COL8A2: variants seen among roughly 807,000 people sequenced by gnomAD.
COL8A2 encodes collagen alpha-2(VIII) chain.
A neutral mutation model predicts 24.0 loss-of-function variants in COL8A2; 16 were observed. The ratio of observed to expected loss-of-function variants is 0.67; its 90% CI spans 0.45 to 1.01. COL8A2 has a LOEUF of 1.01. COL8A2 is among the 50% of genes least tolerant of loss of function. COL8A2 has a pLI of 0.00. For synonymous variants in COL8A2, 466 were observed against 424.5 expected (o/e 1.10, Z -1.20); for missense variants, 818 against 942.4 (o/e 0.87, Z 1.73).
chr1:36,098,192 C>T lies in COL8A2; in HGVS notation c.1489G>A (p.Ala497Thr). The change falls in exon 4 of 4, where the codon GCA becomes ACA. Residue 497 changes from alanine to threonine, a missense_variant. This residue lies in a region of COL8A2 where 235 missense variants were observed against 297.3 expected (regional missense o/e 0.79). Transcript: ENST00000397799. Reference sequence around the variant, plus strand: ...GGCCCAGCCGTGCCAGGTTCCCCTGCTCTCCCCTCTCCAGGGGGCCCTGGC... The same window carrying T: ...GGCCCAGCCGTGCCAGGTTCCCCTGTTCTCCCCTCTCCAGGGGGCCCTGGC... Reference protein sequence around the residue: ...GLPGPPGEGRAGEPGTAGPTG... With the variant: ...GLPGPPGEGRTGEPGTAGPTG... 6.5e-7 allele frequency: 1 copy of T among 1,534,958 alleles called. No individual in the cohort carries two copies. Among genetic ancestry groups the T allele is most frequent in the Non-Finnish European group, 8.8e-7 (1 of 1,142,028 alleles).
rs746179003 is a variant in COL8A2 at position 36,097,707 on chromosome 1, C to G, written c.1974G>C (p.Gln658His). ...YDEYKKGYLD[Q>H]ASGGAVLQLR... ...GCTGGAGCACGGCCCCACCAGATGCCTGGTCCAGGTAGCCCTTCTTGTACT... is the reference window on the plus strand; with the variant it reads ...GCTGGAGCACGGCCCCACCAGATGCGTGGTCCAGGTAGCCCTTCTTGTACT... The change falls in exon 4 of 4, where the codon CAG (glutamine) becomes CAC (histidine). Residue 658 changes from glutamine to histidine, a missense_variant. Physicochemically the swap from Gln to His is conservative, Grantham distance 24. Transcript: ENST00000397799. 3.7e-6 allele frequency: 6 copies of G among 1,613,702 alleles called. No homozygotes were observed. The East Asian group carries it at 1.3e-4, about 36-fold the overall frequency.
In COL8A2 at chr1:36,097,423, G is replaced by C. The variant is rs192037358; in HGVS notation, c.*146C>G. 37 of 694,596 alleles carry C rather than the reference G, an allele frequency of 5.3e-5. No individual in the cohort carries two copies. In the African/African-American group the frequency reaches 6.6e-4, roughly 12 times the overall value. 43.0% of individuals were successfully genotyped at this position (694,596 alleles called of 1,614,324 possible). ...GAAACAATCTCAGCCTGCATGCAGG[G>C]AGAAAGCAAGTTAGTCTCCTCGGGC... On this transcript the variant is annotated 3_prime_UTR_variant, in exon 4 of 4. Coordinates refer to ENST00000397799, the MANE Select transcript of COL8A2 (RefSeq NM_005202.4).
chr1:36,113,041 T>G (rs1190409221), intron 2 of COL8A2, among the ~76,000 whole-genome samples: 1 of 152,100 alleles, frequency 6.6e-6, no homozygotes, highest in African/African-American at 2.4e-5. Flanking sequence ...TGTGGACCAG[T>G]TAGGAAGGAG....
Position 36,115,852 on chromosome 1 carries a change from A to G in COL8A2, c.-61-100T>C. ...TAAGGTGGGAAGACTGCTTGAGCCC[A>G]GGAGTTTGAGACCAGCCTGGGCAAC... On this transcript the variant is annotated intron_variant, in intron 1 of 3. Transcript: ENST00000397799. This position sits in a 1 kb window ranked among gnomAD's most constrained non-coding sequence, Gnocchi z 5.7. The G allele has an allele frequency of 1.6e-6, 1 of 619,936 alleles. No individual in the cohort carries two copies. The highest frequency in any genetic ancestry group is 1.4e-4 in the East Asian group (1 of 7,106). 38.4% of individuals were successfully genotyped at this position (619,936 alleles called of 1,614,324 possible).
rs886276924 is a variant in COL8A2 at position 36,125,137 on chromosome 1, G to A, written c.-142C>T. ...GAGGGCTCCGGGCAGGGGCGTCCGC[G>A]GCTGGGCGGGCGGCGTTGGGGTCCG... On this transcript the variant is annotated 5_prime_UTR_variant, in exon 1 of 4. Transcript: ENST00000397799. The surrounding 1 kb of genome is among the most constrained non-coding windows in gnomAD (Gnocchi z 4.5). 2 of 790,674 alleles carry A rather than the reference G, an allele frequency of 2.5e-6. No individual in the cohort carries two copies. Among genetic ancestry groups the A allele is most frequent in the South Asian group, 5.7e-5 (1 of 17,632 alleles). The allele number at this position is 790,674 out of a possible 1,614,324, so 49.0% of individuals were successfully genotyped here. A position where few individuals can be genotyped will look rare whatever the true frequency, so the allele number is the denominator to read the frequency against.
chr1:36,097,475 TTTTG>T lies in COL8A2; in HGVS notation c.*90_*93del, dbSNP rs1239785632. On this transcript the variant is annotated 3_prime_UTR_variant, in exon 4 of 4. Coordinates refer to ENST00000397799, the MANE Select transcript of COL8A2 (RefSeq NM_005202.4). ...AAGGCCACGGCCGCCTCTGTTCAGC[TTTTG>T]TTTTTTTTTCCAGGAGGTTCTTTGT... 6.5e-6 allele frequency: 7 copies of T among 1,082,318 alleles called. No homozygotes were observed. Among genetic ancestry groups the T allele is most frequent in the East Asian group, 2.4e-5 (1 of 42,202 alleles). 67.0% of individuals were successfully genotyped at this position (1,082,318 alleles called of 1,614,324 possible). A position where few individuals can be genotyped will look rare whatever the true frequency, so the allele number is the denominator to read the frequency against.
In COL8A2 at chr1:36,123,520, G is replaced by C. The variant is rs1237112463; in HGVS notation, c.-62+1537C>G. ...GGTAGACGAAGTGAAACCAGAGAAAGAGACCCTGGTGAGTGTGTCTGGGTG... is the reference window on the plus strand; with the variant it reads ...GGTAGACGAAGTGAAACCAGAGAAACAGACCCTGGTGAGTGTGTCTGGGTG... On this transcript the variant is annotated intron_variant, in intron 1 of 3. Coordinates refer to ENST00000397799, the MANE Select transcript of COL8A2 (RefSeq NM_005202.4). The surrounding 1 kb of genome is among the most constrained non-coding windows in gnomAD (Gnocchi z 4.1). 6.6e-6 allele frequency among the ~76,000 whole-genome samples: 1 copy of C among 152,176 alleles called. No individual in the cohort carries two copies. Among genetic ancestry groups the C allele is most frequent in the African/African-American group, 2.4e-5 (1 of 41,448 alleles).
intron 2 of COL8A2, among the ~76,000 whole-genome samples, chr1:36,108,928 C>A (rs968204952): frequency 3.3e-5 from 5 of 152,172 alleles, no homozygotes; most frequent in African/African-American, 1.2e-4. Flanking sequence ...CCTGCCCACT[C>A]TCCCATCCCA....
chr1:36,117,171 G>A (rs777066410), intron 1 of COL8A2, among the ~76,000 whole-genome samples: 2 of 152,240 alleles, frequency 1.3e-5, no homozygotes, highest in African/African-American at 2.4e-5. Flanking sequence ...GCTGGAGCCA[G>A]CAGCAACTAG....
Position 36,122,221 on chromosome 1 carries a change from C to T in COL8A2, c.-62+2836G>A, listed in dbSNP as rs562906760. Among the ~76,000 whole-genome samples, 15 of 152,258 alleles carry T rather than the reference C, an allele frequency of 9.9e-5. No individual in the cohort carries two copies. In the South Asian group the frequency reaches 1.7e-3, roughly 17 times the overall value. On this transcript the variant is annotated intron_variant, in intron 1 of 3. Coordinates refer to ENST00000397799, the MANE Select transcript of COL8A2 (RefSeq NM_005202.4). Reference sequence around the variant, plus strand: ...CTGCAGGCAAAACAACTCTGGAGACCAGTACAGCATTCCCATTTTAGAGAT... The same window carrying T: ...CTGCAGGCAAAACAACTCTGGAGACTAGTACAGCATTCCCATTTTAGAGAT...
intron 1 of COL8A2, among the ~76,000 whole-genome samples, chr1:36,122,453 C>T (rs1475549789): frequency 1.3e-5 from 2 of 152,124 alleles, no homozygotes; most frequent in Non-Finnish European, 1.5e-5. Flanking sequence ...TGTGTGTCCA[C>T]ATATGGCCTC....
At position 36,098,673 on chromosome 1, in the gene COL8A2, C is replaced by A. The variant is rs1376710983; in HGVS notation, c.1008G>T (p.Leu336Phe). ...CCTCCCCTGGCTCACCCCTGTCCCC[C>A]AAGAGTCCTGGGACCCCAGCTGGGC... ...DRGPAGVPGL[L>F]GDRGEPGEDG... is the part of the protein sequence containing the mutation. The change falls in exon 4 of 4, where the codon TTG (leucine) becomes TTT (phenylalanine). Residue 336 changes from leucine to phenylalanine, a missense_variant. Transcript: ENST00000397799. The A allele has an allele frequency of 2.5e-6, 4 of 1,610,116 alleles. No homozygotes were observed. The highest frequency in any genetic ancestry group is 3.4e-6 in the Non-Finnish European group (4 of 1,179,332).
chr1:36,115,377 G>A lies in COL8A2; in HGVS notation c.-17+331C>T, dbSNP rs941013678. Reference sequence around the variant, plus strand: ...TACCCTGCGTGGTGGCGGCAGCAGCGGCAGCAGGAGGGGCTGGGCTGGGCA... The same window carrying A: ...TACCCTGCGTGGTGGCGGCAGCAGCAGCAGCAGGAGGGGCTGGGCTGGGCA... On this transcript the variant is annotated intron_variant, in intron 2 of 3. Coordinates refer to ENST00000397799, the MANE Select transcript of COL8A2 (RefSeq NM_005202.4). This position sits in a 1 kb window ranked among gnomAD's most constrained non-coding sequence, Gnocchi z 5.7. Among the ~76,000 whole-genome samples, 3 of 152,332 alleles carry A rather than the reference G, an allele frequency of 2.0e-5. No individual in the cohort carries two copies. The highest frequency in any genetic ancestry group is 3.4e-3 in the Middle Eastern group (1 of 294).
Position 36,098,579 on chromosome 1 carries a change from G to C in COL8A2, c.1102C>G (p.Leu368Val). 1 of 1,609,262 alleles carries C rather than the reference G, an allele frequency of 6.2e-7. No individual in the cohort carries two copies. The highest frequency in any genetic ancestry group is 8.5e-7 in the Non-Finnish European group (1 of 1,178,492). ...GPPGLPGSAG[L>V]PGRRGPPGPK... ...CCAGGGGGCCCACGTCTGCCAGGAA[G>C]CCCTGCAGACCCAGGAAGTCCAGGG... The change falls in exon 4 of 4, where the codon CTT (leucine) becomes GTT (valine). Residue 368 changes from leucine (L) to valine (V), a missense_variant. By Grantham distance (32) the Leu-to-Val change is conservative. Around this residue, in one of 3 missense-constraint regions of COL8A2, gnomAD observed 573 missense variants for 616.8 expected, o/e 0.93. Coordinates refer to ENST00000397799, the MANE Select transcript of COL8A2 (RefSeq NM_005202.4).
In COL8A2 at chr1:36,098,330, C is replaced by G. The variant is rs1430092169; in HGVS notation, c.1351G>C (p.Gly451Arg). The change falls in exon 4 of 4, where the codon GGG (glycine) becomes CGG (arginine). Residue 451 changes from glycine to arginine, a missense_variant. This residue lies in a region of COL8A2 where 573 missense variants were observed against 616.8 expected (regional missense o/e 0.93). Transcript: ENST00000397799. ...CTCAGGCCAGGCTGCCCAGGGAGCC[C>G]CAAGTCACCTTTCTGCCCCAGGGCT... ...AGALGQKGDLGLPGQPGLRGP... is the reference protein window; with the variant it reads ...AGALGQKGDLRLPGQPGLRGP... 3.2e-6 allele frequency: 5 copies of G among 1,550,016 alleles called. No homozygotes were observed. Among genetic ancestry groups the G allele is most frequent in the Non-Finnish European group, 4.4e-6 (5 of 1,147,398 alleles).
At chr1:36,106,790 G>A (rs985369892) in intron 2 of COL8A2, among the ~76,000 whole-genome samples, 11 of 152,312 alleles carry the variant, frequency 7.2e-5, no homozygotes, top group African/African-American at 2.6e-4. Flanking sequence ...TTCCTCCTTG[G>A]TAATGGGGGT....
In COL8A2 at chr1:36,095,666, T is replaced by C. The variant is rs932472614; in HGVS notation, c.*1903A>G. 2 of 152,322 alleles carry C rather than the reference T, an allele frequency of 1.3e-5. No individual in the cohort carries two copies. Among genetic ancestry groups the C allele is most frequent in the South Asian group, 2.1e-4 (1 of 4,820 alleles). 9.4% of individuals were successfully genotyped at this position (152,322 alleles called of 1,614,324 possible). ...GTGAAATAGCTCCCGTTTTTTTTCTTGGGACCCTACTTAGTTCCGTGGGCT... is the reference window on the plus strand; with the variant it reads ...GTGAAATAGCTCCCGTTTTTTTTCTCGGGACCCTACTTAGTTCCGTGGGCT... On this transcript the variant is annotated 3_prime_UTR_variant, in exon 4 of 4. Transcript: ENST00000397799.
intron 1 of COL8A2, among the ~76,000 whole-genome samples, chr1:36,120,201 C>T (rs1256304950): frequency 6.6e-6 from 1 of 152,324 alleles, no homozygotes; most frequent in South Asian, 2.1e-4. Flanking sequence ...AATTGAGATT[C>T]CATTCCTTTT....
rs771087390 is a variant in COL8A2 at position 36,098,142 on chromosome 1, G to C, written c.1539C>G (p.Gly513=). Reference sequence around the variant, plus strand: ...CCGGAGGGCCCGTGATTCCAGGGGAGCCAGGGACCCCTGGGGGCCCCGTGG... The same window carrying C: ...CCGGAGGGCCCGTGATTCCAGGGGACCCAGGGACCCCTGGGGGCCCCGTGG... ...AGPTGPPGVP[G]SPGITGPPGP... is the part of the protein sequence containing the mutation. The change falls in exon 4 of 4, where the codon GGC becomes GGG. Residue 513 remains glycine, a synonymous_variant. Transcript: ENST00000397799. 8.8e-6 allele frequency: 13 copies of C among 1,480,764 alleles called. 1 individual carries two copies. The South Asian group carries it at 1.5e-4, about 17-fold the overall frequency. 91.7% of individuals were successfully genotyped at this position (1,480,764 alleles called of 1,614,324 possible). A position where few individuals can be genotyped will look rare whatever the true frequency, so the allele number is the denominator to read the frequency against.
Sources: allele counts gnomAD v4.1 joint callset (sites outside exome capture counted in the v4.1 genomes callset), GRCh38; gene constraint gnomAD v4.1.1; regional missense constraint gnomAD v4.1.1; non-coding constraint Gnocchi (gnomAD v3.1); transcripts MANE v1.5; gene names NCBI Gene and HGNC (gene_info 2026-07-23, HGNC 2026-07-21).